Variants in SHROOM4 observed in about 807,000 individuals in gnomAD.
SHROOM4 encodes the protein shroom family member 4, also known as protein Shroom4.
In SHROOM4, 17 loss-of-function variants were observed where a neutral mutation model predicts 80.3. That is an observed-to-expected ratio of 0.21 (90% CI 0.14 to 0.32). The LOEUF (loss-of-function observed/expected upper bound fraction) is 0.32. Ranked by LOEUF, SHROOM4 falls within the 10% of genes least tolerant of loss-of-function variation. The pLI is 1.00. For missense variants in SHROOM4, 993 were observed against 1,140.3 expected, an observed-to-expected ratio of 0.87 and a Z score of 1.86; for synonymous variants, 400 against 437.5, an observed-to-expected ratio of 0.91 and a Z score of 1.07.
Position 50,690,729 on chromosome X carries a change from G to A in SHROOM4, c.269+5057C>T, listed in dbSNP as rs782639609. ...TGCCTGTAATCCCAGCACTTTGGGA[G>A]GCCAAGGCGGGCAGATCACTTGAGG... On this transcript the variant is annotated intron_variant, in intron 2 of 8. Transcript: ENST00000376020. Among the ~76,000 whole-genome samples, 5 of 112,666 alleles carry A rather than the reference G, an allele frequency of 4.4e-5. No individual in the cohort carries two copies. The South Asian group carries it at 1.5e-3, about 33-fold the overall frequency.
intron 1 of SHROOM4, among the ~76,000 whole-genome samples, chrX:50,708,089 T>C (rs1557264110): frequency 8.9e-6 from 1 of 112,116 alleles, no homozygotes; most frequent in African/African-American, 3.2e-5. Flanking sequence ...CAACTGGCCC[T>C]GAAGCTGGGA....
At chrX:50,782,001 G>A (rs2147677294) in intron 1 of SHROOM4, among the ~76,000 whole-genome samples, 2 of 111,697 alleles carry the variant, frequency 1.8e-5, no homozygotes, top group Non-Finnish European at 3.8e-5. Flanking sequence ...TTGAGGTCAG[G>A]AGTTCGAGAC....
intron 1 of SHROOM4, among the ~76,000 whole-genome samples, chrX:50,699,175 T>G (rs1557263343): frequency 2.7e-5 from 3 of 112,277 alleles, no homozygotes; most frequent in Non-Finnish European, 1.9e-5. Context: ...GGTTAACTTA[T>G]GTGTCATTTT....
At chrX:50,693,217 T>C (rs782496037) in intron 2 of SHROOM4, among the ~76,000 whole-genome samples, 1 of 111,146 alleles carries the variant, frequency 9.0e-6, no homozygotes, top group African/African-American at 3.3e-5. Context: ...AAGAGCCTGG[T>C]TTTTAAAAAA....
intron 1 of SHROOM4, among the ~76,000 whole-genome samples, chrX:50,769,420 G>T (rs1223564908): frequency 8.9e-6 from 1 of 111,995 alleles, no homozygotes; most frequent in Non-Finnish European, 1.9e-5. Context: ...GAATCATTAG[G>T]CGTCGCAGGC....
intron 2 of SHROOM4, 80 bp from the exon 3 acceptor site, chrX:50,638,388 C>A: frequency 8.8e-7 from 1 of 1,139,991 alleles, no homozygotes; most frequent in Non-Finnish European, 1.2e-6. Context: ...GCCCCACCCC[C>A]TCTTTTCCTT....
At chrX:50,751,576 G>T (rs1229468826) in intron 1 of SHROOM4, among the ~76,000 whole-genome samples, 2 of 111,759 alleles carry the variant, frequency 1.8e-5, no homozygotes, top group African/African-American at 6.5e-5. Flanking sequence ...GTTGTTGACA[G>T]CTCCTTGTCT....
chrX:50,789,216 C>T (rs1246809183), intron 1 of SHROOM4, among the ~76,000 whole-genome samples: 1 of 111,532 alleles, frequency 9.0e-6, no homozygotes, highest in Non-Finnish European at 1.9e-5. Context: ...ACATTCTTTT[C>T]AAGTACACAC....
chrX:50,617,625 C>T (rs782061429), intron 5 of SHROOM4, among the ~76,000 whole-genome samples: 1 of 79,277 alleles, frequency 1.3e-5, no homozygotes, highest in Admixed American at 1.8e-4. Context: ...AAAAAAATCC[C>T]CCCCCCCACC....
intron 1 of SHROOM4, among the ~76,000 whole-genome samples, chrX:50,767,163 G>C (rs1935293340): frequency 8.9e-6 from 1 of 111,854 alleles, no homozygotes; most frequent in African/African-American, 3.3e-5. Context: ...TACACATTTG[G>C]TAAGATACCA....
At chrX:50,786,622 G>T (rs782469654) in intron 1 of SHROOM4, among the ~76,000 whole-genome samples, 21 of 111,424 alleles carry the variant, frequency 1.9e-4, no homozygotes, top group African/African-American at 5.9e-4. Context: ...GCTTTAAAAG[G>T]CCCCCTAAAT....
intron 2 of SHROOM4, among the ~76,000 whole-genome samples, chrX:50,649,314 G>A (rs782091206): frequency 3.6e-5 from 4 of 112,051 alleles, no homozygotes; most frequent in Admixed American, 1.9e-4. Flanking sequence ...GTTGGGGCAC[G>A]GTATGGACAT....
At chrX:50,759,293 C>A (rs782649899) in intron 1 of SHROOM4, among the ~76,000 whole-genome samples, 13 of 111,688 alleles carry the variant, frequency 1.2e-4, no homozygotes, top group Non-Finnish European at 1.3e-4. Context: ...AAAGGAAAGA[C>A]CAGGTGAAAA....
In SHROOM4 at chrX:50,635,017, T is replaced by C. The variant is rs782218565; in HGVS notation, c.1056A>G (p.Gln352=). 4.1e-6 allele frequency: 5 copies of C among 1,212,226 alleles called. No homozygotes were observed. The South Asian group carries it at 7.0e-5, about 17-fold the overall frequency. The change falls in exon 4 of 9, where the codon CAA becomes CAG. Residue 352 remains glutamine, a synonymous_variant. Transcript: ENST00000376020. ...GCATCAGTAGATGCTCAGAGCCCTGTTGGCTGGATTCAGGAGGCTGACTGA... is the reference window on the plus strand; with the variant it reads ...GCATCAGTAGATGCTCAGAGCCCTGCTGGCTGGATTCAGGAGGCTGACTGA... ...CEFSQPPESS[Q]QGSEHLLMQA...
intron 5 of SHROOM4, among the ~76,000 whole-genome samples, chrX:50,618,313 T>TTCCCTCCCTCCC (rs1930367753): frequency 1.2e-3 from 1 of 862 alleles, no homozygotes; most frequent in African/African-American, 3.2e-3. Context: ...CCTTCCTTCC[T>TTCCCTCCCTCCC]TCCTTCCTTC....
intron 4 of SHROOM4, among the ~76,000 whole-genome samples, chrX:50,632,963 A>G (rs1931132076): frequency 8.9e-6 from 1 of 112,294 alleles, no homozygotes; most frequent in Non-Finnish European, 1.9e-5. Context: ...TGCCCATTTT[A>G]TGAAGCAAAA....
chrX:50,592,329 C>T lies in SHROOM4; in HGVS notation c.*4366G>A. ...GTGGGCCTGGGATTCTGCCTAATAA[C>T]TTCTTGGATTGTTAGTGGCTTTTAT... On this transcript the variant is annotated 3_prime_UTR_variant, in exon 9 of 9. Transcript: ENST00000376020. The T allele has an allele frequency of 3.8e-6, 1 of 264,769 alleles. No homozygotes were observed. The highest frequency in any genetic ancestry group is 7.1e-6 in the Non-Finnish European group (1 of 140,956). 21.8% of individuals were successfully genotyped at this position (264,769 alleles called of 1,213,427 possible). A position where few individuals can be genotyped will look rare whatever the true frequency, so the allele number is the denominator to read the frequency against.
At chrX:50,788,422 C>T (rs958625554) in intron 1 of SHROOM4, among the ~76,000 whole-genome samples, 3 of 110,524 alleles carry the variant, frequency 2.7e-5, no homozygotes, top group Non-Finnish European at 5.7e-5. Flanking sequence ...GACGAGACCA[C>T]GGTGAAACCC....
chrX:50,646,529 T>TGTGTGG (rs1276704967), intron 2 of SHROOM4, among the ~76,000 whole-genome samples: 1 of 24,756 alleles, frequency 4.0e-5, no homozygotes, highest in Non-Finnish European at 8.1e-5. Flanking sequence ...GGGGGAAGAG[T>TGTGTGG]GTGTGTGTGT....
Sources: allele counts gnomAD v4.1 joint callset (sites outside exome capture counted in the v4.1 genomes callset), GRCh38; gene constraint gnomAD v4.1.1; transcripts MANE v1.5; gene names NCBI Gene and HGNC (gene_info 2026-07-23, HGNC 2026-07-21).